Variants in ADAM11 observed in about 807,000 individuals in gnomAD.
ADAM11 encodes the protein disintegrin and metalloproteinase domain-containing protein 11.
In ADAM11, 49 loss-of-function variants were observed where a neutral mutation model predicts 119.1. The ratio of observed to expected loss-of-function variants is 0.41; its 90% CI spans 0.33 to 0.52. The LOEUF is 0.52. ADAM11 is among the 20% of genes least tolerant of loss of function. ADAM11 has a pLI of 0.20. For synonymous variants in ADAM11, 364 were observed against 408.0 expected, an observed-to-expected ratio of 0.89 and a Z score of 1.30; for missense variants, 777 against 1,047.5, an observed-to-expected ratio of 0.74 and a Z score of 3.56.
chr17:44,772,961 C>A lies in ADAM11; in HGVS notation c.753+30C>A, dbSNP rs1296479113. On this transcript the variant is annotated intron_variant, in intron 9 of 26. Transcript: ENST00000200557. The surrounding 1 kb of genome is among the most constrained non-coding windows in gnomAD (Gnocchi z 4.5). ...GTGCCAGGGCAGGGACAGGGCGTGA[C>A]ACTGGGAGGCCCCTGAGGAGCCTGG... 1 of 1,614,098 alleles carries A rather than the reference C, an allele frequency of 6.2e-7. No homozygotes were observed. Among genetic ancestry groups the A allele is most frequent in the South Asian group, 1.1e-5 (1 of 91,078 alleles).
intron 4 of ADAM11, among the ~76,000 whole-genome samples, chr17:44,770,309 C>T (rs1244454410): frequency 1.3e-5 from 2 of 152,142 alleles, no homozygotes; most frequent in African/African-American, 4.8e-5. Flanking sequence ...CAGGGACACT[C>T]GTTCCGAGCA....
At chr17:44,763,086 T>C (rs961594753) in intron 2 of ADAM11, among the ~76,000 whole-genome samples, 5 of 152,296 alleles carry the variant, frequency 3.3e-5, no homozygotes, top group Admixed American at 3.3e-4. Context: ...CAGTGAGCTA[T>C]GGTTGCACCA....
At chr17:44,779,597 A>G in intron 26 of ADAM11, 142 bp from the exon 27 acceptor site, 4 of 1,479,860 alleles carry the variant, frequency 2.7e-6, no homozygotes, top group Non-Finnish European at 3.6e-6. Flanking sequence ...CCACTGTCTG[A>G]CCTCCCGCAG....
rs1426669030 is a variant in ADAM11 at position 44,775,675 on chromosome 17, A to G, written c.1484A>G (p.Lys495Arg). 4 of 1,580,292 alleles carry G rather than the reference A, an allele frequency of 2.5e-6. No homozygotes were observed. Among genetic ancestry groups the G allele is most frequent in the Non-Finnish European group, 2.6e-6 (3 of 1,165,380 alleles). Residue 495 changes from lysine to arginine, a missense_variant and splice_region_variant, in exon 17 of 27, where the codon AAG becomes AGG. Physicochemically the swap from Lys to Arg is conservative, Grantham distance 26. This residue lies in a region of ADAM11 where 348 missense variants were observed against 486.7 expected (regional missense o/e 0.72). Coordinates refer to ENST00000200557, the MANE Select transcript of ADAM11 (RefSeq NM_002390.6). The surrounding 1 kb of genome is among the most constrained non-coding windows in gnomAD (Gnocchi z 7.5). ...GACGGGCTCTGCTGTCGCCGCTGCAAGGTAAGCAGGACCGGCCGGGAGGCG... is the reference window on the plus strand; with the variant it reads ...GACGGGCTCTGCTGTCGCCGCTGCAGGGTAAGCAGGACCGGCCGGGAGGCG... ...CSDGLCCRRC[K>R]YEPRGVSCRE...
chr17:44,761,272 G>A (rs559317404), intron 2 of ADAM11, among the ~76,000 whole-genome samples: 25 of 152,262 alleles, frequency 1.6e-4, no homozygotes, highest in African/African-American at 5.8e-4. Context: ...GGATGTCACC[G>A]CAGGGAAAGG....
In ADAM11 at chr17:44,776,996, G is replaced by A. The variant is rs372243454; in HGVS notation, c.1681+34G>A. 451 of 1,600,496 alleles carry A rather than the reference G, an allele frequency of 2.8e-4. No homozygotes were observed. The highest frequency in any genetic ancestry group is 4.1e-4 in the African/African-American group (31 of 74,738). On this transcript the variant is annotated intron_variant, in intron 20 of 26. Transcript: ENST00000200557. This position sits in a 1 kb window ranked among gnomAD's most constrained non-coding sequence, Gnocchi z 5.2. ...GGCTAGGGCTGGGAGTGGGGACTCC[G>A]GAGGACCCAGAGCTGAGAAGCTGGG...
chr17:44,768,919 C>T (rs577070004), intron 2 of ADAM11, among the ~76,000 whole-genome samples: 58 of 152,296 alleles, frequency 3.8e-4, no homozygotes, highest in Middle Eastern at 3.4e-3. Context: ...CTGGGCCCTG[C>T]GGTTGCTGTG....
chr17:44,778,010 GTA>G lies in ADAM11; in HGVS notation c.2131_2132del (p.Ile711ProfsTer2). The G allele has an allele frequency of 6.2e-7, 1 of 1,613,984 alleles. No homozygotes were observed. Among genetic ancestry groups the G allele is most frequent in the Non-Finnish European group, 8.5e-7 (1 of 1,179,996 alleles). On this transcript the variant is annotated frameshift_variant, in exon 24 of 27. Coordinates refer to ENST00000200557, the MANE Select transcript of ADAM11 (RefSeq NM_002390.6). LOFTEE classifies it high-confidence loss of function. ...CCAGACTGGACAGGCAAAGACTGCA[GTA>G]TCCATAACCCCCTGCCCACGTCCCC...
rs1238603805 is a variant in ADAM11, at chr17:44,776,340, G to C, written c.1566+133G>C. On this transcript the variant is annotated intron_variant, in intron 18 of 26. Transcript: ENST00000200557. The surrounding 1 kb of genome is among the most constrained non-coding windows in gnomAD (Gnocchi z 5.2). The stretch of plus-strand genomic sequence containing the variant: ...GGCATCGACCTCCACTGATCAGACT[G>C]TTTTCTTATCTGAGAAAGGGGTTCT... 4 of 908,662 alleles carry C rather than the reference G, an allele frequency of 4.4e-6. No homozygotes were observed. The highest frequency in any genetic ancestry group is 1.7e-5 in the African/African-American group (1 of 60,392). The allele number at this position is 908,662 out of a possible 1,614,324, so 56.3% of individuals were successfully genotyped here.
chr17:44,776,876 C>A lies in ADAM11; in HGVS notation c.1618-23C>A, dbSNP rs757170187. 2.8e-5 allele frequency: 45 copies of A among 1,613,508 alleles called. No homozygotes were observed. In the South Asian group the frequency reaches 4.8e-4, roughly 17 times the overall value. On this transcript the variant is annotated intron_variant, in intron 19 of 26. Transcript: ENST00000200557. The surrounding 1 kb of genome is among the most constrained non-coding windows in gnomAD (Gnocchi z 5.2). ...GACCACTCAGCATCTCCATCCCTTG[C>A]CTCTTAATTCTTGGACTCTCAGGGC...
Position 44,776,693 on chromosome 17 carries a change from C to G in ADAM11, c.1567-52C>G, listed in dbSNP as rs941474154. ...CCCAGCATTCCTCCCTGGGGCAGCCCTCAGCTCCAGTCCTGGGACTGCTCC... is the reference window on the plus strand; with the variant it reads ...CCCAGCATTCCTCCCTGGGGCAGCCGTCAGCTCCAGTCCTGGGACTGCTCC... On this transcript the variant is annotated intron_variant, in intron 18 of 26. Transcript: ENST00000200557. The surrounding 1 kb of genome is among the most constrained non-coding windows in gnomAD (Gnocchi z 5.2). 3 of 1,605,486 alleles carry G rather than the reference C, an allele frequency of 1.9e-6. No individual in the cohort carries two copies. In the South Asian group the frequency reaches 3.3e-5, roughly 18 times the overall value.
rs1466662362 is a variant in ADAM11 at position 44,776,842 on chromosome 17, C to T, written c.1617+47C>T. ...CCTGGGATTCAGGGCAGTCTCTTGT[C>T]TCCACTCTGACCACTCAGCATCTCC... On this transcript the variant is annotated intron_variant, in intron 19 of 26. Coordinates refer to ENST00000200557, the MANE Select transcript of ADAM11 (RefSeq NM_002390.6). The surrounding 1 kb of genome is among the most constrained non-coding windows in gnomAD (Gnocchi z 5.2). 1 of 1,613,914 alleles carries T rather than the reference C, an allele frequency of 6.2e-7. No individual in the cohort carries two copies. Among genetic ancestry groups the T allele is most frequent in the Non-Finnish European group, 8.5e-7 (1 of 1,179,910 alleles).
intron 2 of ADAM11, among the ~76,000 whole-genome samples, chr17:44,766,052 C>A (rs2049446592): frequency 6.6e-6 from 1 of 152,162 alleles, no homozygotes; most frequent in African/African-American, 2.4e-5. Context: ...GCCCTTGCTC[C>A]AGGGAACTAA....
Position 44,775,624 on chromosome 17 carries a change from C to G in ADAM11, c.1433C>G (p.Thr478Ser). 1.3e-6 allele frequency: 2 copies of G among 1,592,238 alleles called. No individual in the cohort carries two copies. The highest frequency in any genetic ancestry group is 1.7e-6 in the Non-Finnish European group (2 of 1,170,528). The change falls in exon 17 of 27, where the codon ACC (threonine) becomes AGC (serine). Residue 478 changes from threonine (T) to serine (S), a missense_variant. Thr to Ser is a moderately conservative substitution (Grantham distance 58). Transcript: ENST00000200557. The surrounding 1 kb of genome is among the most constrained non-coding windows in gnomAD (Gnocchi z 7.5). ...GGTGGCAACTGCTGCAAGAAATGCACCCTGACTCACGACGCCATGTGCAGC... is the reference window on the plus strand; with the variant it reads ...GGTGGCAACTGCTGCAAGAAATGCAGCCTGACTCACGACGCCATGTGCAGC... ...RAGGNCCKKCTLTHDAMCSDG... is the reference protein window; with the variant it reads ...RAGGNCCKKCSLTHDAMCSDG...
rs1418050566 is a variant in ADAM11 at position 44,779,247 on chromosome 17, C to T, written c.2294+8C>T. ...AAACATTCGCCGAGGAAGGTACGACCCGACCCAGCAGGGGGCAGTGTGATG... is the reference window on the plus strand; with the variant it reads ...AAACATTCGCCGAGGAAGGTACGACTCGACCCAGCAGGGGGCAGTGTGATG... On this transcript the variant is annotated splice_region_variant and intron_variant, in intron 26 of 26. Coordinates refer to ENST00000200557, the MANE Select transcript of ADAM11 (RefSeq NM_002390.6). The T allele has an allele frequency of 6.3e-7, 1 of 1,581,240 alleles. No individual in the cohort carries two copies. Among genetic ancestry groups the T allele is most frequent in the Non-Finnish European group, 8.6e-7 (1 of 1,167,520 alleles).
At chr17:44,771,258 C>A (rs1379619111) in intron 4 of ADAM11, among the ~76,000 whole-genome samples, 2 of 150,464 alleles carry the variant, frequency 1.3e-5, no homozygotes, top group East Asian at 1.9e-4. Flanking sequence ...CAAGATCACA[C>A]CACTGCACTC....
At position 44,779,727 on chromosome 17, in the gene ADAM11, T is replaced by C; in HGVS notation, c.2295-12T>C. 1 of 1,594,354 alleles carries C rather than the reference T, an allele frequency of 6.3e-7. No individual in the cohort carries two copies. The highest frequency in any genetic ancestry group is 8.5e-7 in the Non-Finnish European group (1 of 1,174,668). Reference sequence around the variant, plus strand: ...GCTCACGTCCTCCCCTGATGCCCCCTCTCCGTTCCAGGTCCGGAGGGGCCT... The same window carrying C: ...GCTCACGTCCTCCCCTGATGCCCCCCCTCCGTTCCAGGTCCGGAGGGGCCT... On this transcript the variant is annotated splice_polypyrimidine_tract_variant and intron_variant, in intron 26 of 26. Coordinates refer to ENST00000200557, the MANE Select transcript of ADAM11 (RefSeq NM_002390.6).
rs559750268 is a variant in ADAM11, at chr17:44,776,298, C to A, written c.1566+91C>A. The A allele has an allele frequency of 6.7e-6, 9 of 1,348,824 alleles. No homozygotes were observed. The East Asian group carries it at 1.8e-4, about 28-fold the overall frequency. 83.6% of individuals were successfully genotyped at this position (1,348,824 alleles called of 1,614,324 possible). A position where few individuals can be genotyped will look rare whatever the true frequency, so the allele number is the denominator to read the frequency against. On this transcript the variant is annotated intron_variant, in intron 18 of 26. Transcript: ENST00000200557. This position sits in a 1 kb window ranked among gnomAD's most constrained non-coding sequence, Gnocchi z 5.2. ...TTTCCCGGACGAGTGCTCAGCACTC[C>A]CCTCCTCTCCACAGCTGGCATCGAC...
intron 2 of ADAM11, among the ~76,000 whole-genome samples, chr17:44,765,892 G>A (rs546480077): frequency 7.3e-4 from 111 of 152,314 alleles, no homozygotes; most frequent in Non-Finnish European, 1.3e-3. Flanking sequence ...TAGGATTACA[G>A]GCGTAAGCCA....
Sources: allele counts gnomAD v4.1 joint callset (sites outside exome capture counted in the v4.1 genomes callset), GRCh38; gene constraint gnomAD v4.1.1; regional missense constraint gnomAD v4.1.1; non-coding constraint Gnocchi (gnomAD v3.1); transcripts MANE v1.5; gene names NCBI Gene and HGNC (gene_info 2026-07-23, HGNC 2026-07-21).